The following CNTNAP2 variants were observed in gnomAD, a reference collection of about 807,000 sequenced individuals.
The protein encoded by CNTNAP2 is contactin-associated protein-like 2.
A neutral mutation model predicts 155.2 loss-of-function variants in CNTNAP2; 98 were observed. The observed-to-expected ratio is 0.63, with a 90% CI of 0.54 to 0.75. The LOEUF is 0.75. Among genes scored for constraint, CNTNAP2 ranks in the 30% least tolerant of loss-of-function variants. The pLI is 0.00. For missense variants in CNTNAP2, 1,727 were observed against 1,688.1 expected (o/e 1.02, Z -0.40); for synonymous variants, 651 against 631.2 (o/e 1.03, Z -0.47).
chr7:147,602,998 C>T (rs1422131277), intron 12 of CNTNAP2, among the ~76,000 whole-genome samples: 2 of 152,094 alleles, frequency 1.3e-5, no homozygotes, highest in East Asian at 1.9e-4. Flanking sequence ...TGGGTATATA[C>T]CCAGTAATGG....
intron 10 of CNTNAP2, among the ~76,000 whole-genome samples, chr7:147,422,600 T>C (rs1797314017): frequency 6.6e-6 from 1 of 152,116 alleles, no homozygotes; most frequent in Non-Finnish European, 1.5e-5. Context: ...TAAGTTCTTT[T>C]ACACACTGAA....
chr7:146,411,085 C>G (rs1584912685), intron 1 of CNTNAP2, among the ~76,000 whole-genome samples: 1 of 151,778 alleles, frequency 6.6e-6, no homozygotes, highest in East Asian at 1.9e-4. Context: ...AAGTTCAAGA[C>G]ATTTATTATA....
chr7:146,692,349 C>A (rs1800712501), intron 1 of CNTNAP2, among the ~76,000 whole-genome samples: 1 of 152,048 alleles, frequency 6.6e-6, no homozygotes, highest in Non-Finnish European at 1.5e-5. Context: ...CCAGTAAAGG[C>A]CAACTTTTTA....
At chr7:146,898,619 T>C (rs1423369857) in intron 3 of CNTNAP2, among the ~76,000 whole-genome samples, 1 of 152,094 alleles carries the variant, frequency 6.6e-6, no homozygotes, top group Non-Finnish European at 1.5e-5. Flanking sequence ...GCAAGCTGTA[T>C]TGAAAAATAA....
chr7:146,774,211 C>G (rs1050499224), intron 1 of CNTNAP2, 60 bp from the exon 2 acceptor site: 1 of 1,189,496 alleles, frequency 8.4e-7, no homozygotes, highest in East Asian at 2.4e-5. Context: ...CAACACATAC[C>G]AATCGTTATT....
intron 13 of CNTNAP2, among the ~76,000 whole-genome samples, chr7:147,869,630 G>A (rs1441450249): frequency 6.6e-6 from 1 of 152,156 alleles, no homozygotes; most frequent in East Asian, 1.9e-4. Flanking sequence ...GAAGGGAAGT[G>A]AAAAAATAAA....
chr7:147,097,092 G>C (rs754710818), intron 4 of CNTNAP2, among the ~76,000 whole-genome samples: 27 of 152,164 alleles, frequency 1.8e-4, no homozygotes, highest in Non-Finnish European at 2.9e-4. Context: ...GCACACATAT[G>C]TCCCAATCTC....
chr7:147,604,067 T>C (rs1304298146), intron 12 of CNTNAP2, among the ~76,000 whole-genome samples: 4 of 152,136 alleles, frequency 2.6e-5, no homozygotes, highest in Admixed American at 1.3e-4. Context: ...ATACAAAAAT[T>C]AATTCAAGAT....
At chr7:146,721,553 A>G (rs1033273514) in intron 1 of CNTNAP2, among the ~76,000 whole-genome samples, 2 of 124,180 alleles carry the variant, frequency 1.6e-5, no homozygotes, top group African/African-American at 3.4e-5. Flanking sequence ...TATATATTCT[A>G]TATACATTCT....
At chr7:146,890,129 C>T (rs1290965404) in intron 3 of CNTNAP2, among the ~76,000 whole-genome samples, 1 of 152,114 alleles carries the variant, frequency 6.6e-6, no homozygotes, top group African/African-American at 2.4e-5. Context: ...ATGAAAATGC[C>T]ACCTGTGTCC....
chr7:147,024,111 C>T lies in CNTNAP2; in HGVS notation c.403-19796C>T, dbSNP rs147136898. Among the ~76,000 whole-genome samples the T allele has an allele frequency of 6.4e-3, 980 of 152,208 alleles. 12 individuals are homozygous for T. The highest frequency in any genetic ancestry group is 8.1e-3 in the Non-Finnish European group (554 of 68,012). On this transcript the variant is annotated intron_variant, in intron 3 of 23. Coordinates refer to ENST00000361727, the MANE Select transcript of CNTNAP2 (RefSeq NM_014141.6). ...CCAGTATCTAATCCAGTAACAGTCA[C>T]AAATTGGCCCATCAGTGGCAAGAAA...
intron 1 of CNTNAP2, among the ~76,000 whole-genome samples, chr7:146,459,980 CA>C (rs1796612085): frequency 6.6e-6 from 1 of 151,784 alleles, no homozygotes; most frequent in Non-Finnish European, 1.5e-5. Context: ...AAACAAAAAA[CA>C]AAACAAAACA....
chr7:147,469,788 G>A (rs1010705158), intron 10 of CNTNAP2, among the ~76,000 whole-genome samples: 12 of 152,158 alleles, frequency 7.9e-5, no homozygotes, highest in African/African-American at 2.9e-4. Flanking sequence ...AAAGTGCTGG[G>A]ATTACAGGCG....
chr7:146,913,989 G>A lies in CNTNAP2; in HGVS notation c.402+74085G>A, dbSNP rs529120282. Among the ~76,000 whole-genome samples the A allele has an allele frequency of 3.9e-4, 60 of 152,116 alleles. 1 individual carries two copies. Among genetic ancestry groups the A allele is most frequent in the African/African-American group, 1.4e-3 (58 of 41,498 alleles). ...CTCACAGCTTAGCTCCCACTTATGA[G>A]TGAGAACATACGATATTTGATTTTC... is the stretch of plus-strand genomic sequence containing the variant. On this transcript the variant is annotated intron_variant, in intron 3 of 23. Coordinates refer to ENST00000361727, the MANE Select transcript of CNTNAP2 (RefSeq NM_014141.6).
At chr7:146,823,789 T>C (rs924741280) in intron 2 of CNTNAP2, among the ~76,000 whole-genome samples, 3 of 152,070 alleles carry the variant, frequency 2.0e-5, no homozygotes, top group Non-Finnish European at 4.4e-5. Context: ...CTATGACATG[T>C]TTTCTTCCCA....
intron 9 of CNTNAP2, among the ~76,000 whole-genome samples, chr7:147,310,134 C>G (rs1250943269): frequency 1.3e-5 from 2 of 152,008 alleles, no homozygotes; most frequent in African/African-American, 4.8e-5. Flanking sequence ...ATAGCTCCCA[C>G]AAGTAAAATT....
chr7:146,961,920 G>A (rs1797564430), intron 3 of CNTNAP2, among the ~76,000 whole-genome samples: 1 of 152,158 alleles, frequency 6.6e-6, no homozygotes, highest in Non-Finnish European at 1.5e-5. Flanking sequence ...CAGACTTGGA[G>A]TGACTAATGA....
In CNTNAP2 at chr7:147,580,526, C is replaced by A. The variant is rs774080620; in HGVS notation, c.1897+18269C>A. Among the ~76,000 whole-genome samples the A allele has an allele frequency of 1.5e-3, 232 of 151,572 alleles. 1 individual carries two copies. The highest frequency in any genetic ancestry group is 2.9e-3 in the Non-Finnish European group (197 of 67,936). On this transcript the variant is annotated intron_variant, in intron 12 of 23. Transcript: ENST00000361727. ...GCATCTTCACAGAATTAACCCCAAT[C>A]ATGACAGTTCGAACATTTCCTGAAA...
At chr7:146,517,909 A>C (rs552311268) in intron 1 of CNTNAP2, among the ~76,000 whole-genome samples, 1 of 152,008 alleles carries the variant, frequency 6.6e-6, no homozygotes, top group South Asian at 2.1e-4. Flanking sequence ...GACTTATTTA[A>C]ACATTGGAAG....
Sources: allele counts gnomAD v4.1 joint callset (sites outside exome capture counted in the v4.1 genomes callset), GRCh38; gene constraint gnomAD v4.1.1; transcripts MANE v1.5; gene names NCBI Gene and HGNC (gene_info 2026-07-23, HGNC 2026-07-21).